Variants in METTL5 observed in about 807,000 individuals in gnomAD.
METTL5 encodes rRNA N(6)-adenosine-methyltransferase METTL5.
In METTL5, 28 loss-of-function variants were observed where a neutral mutation model predicts 26.5. That is an observed-to-expected ratio of 1.06 (90% CI 0.78 to 1.45). The LOEUF (loss-of-function observed/expected upper bound fraction) is 1.45, where lower values mean the gene tolerates loss of function less well. METTL5 is among the 40% of genes most tolerant of loss of function. The pLI, the probability that METTL5 is intolerant of heterozygous loss-of-function variation, is 0.00. For missense variants in METTL5, 231 were observed against 249.9 expected (o/e 0.92, Z 0.51); for synonymous variants, 86 against 82.6 (o/e 1.04, Z -0.22).
At position 169,824,860 on chromosome 2, in the gene METTL5, C is replaced by CCACGCACCTCTGGAGGCGA. The variant is rs1170332194; in HGVS notation, c.-282_-264dup. The CCACGCACCTCTGGAGGCGA allele has an allele frequency of 3.9e-5, 12 of 307,030 alleles. No homozygotes were observed. Among genetic ancestry groups the CCACGCACCTCTGGAGGCGA allele is most frequent in the Non-Finnish European group, 6.7e-5 (11 of 163,720 alleles). 19.0% of individuals were successfully genotyped at this position (307,030 alleles called of 1,614,324 possible). On this transcript the variant is annotated 5_prime_UTR_variant, in exon 1 of 7. Coordinates refer to ENST00000260953, the MANE Select transcript of METTL5 (RefSeq NM_014168.4). ...AGCCTCAGGATCCCTCGCGCCACGA[C>CCACGCACCTCTGGAGGCGA]CACGCACCTCTGGAGGCGACCCGCA...
intron 4 of METTL5, among the ~76,000 whole-genome samples, chr2:169,815,882 G>A (rs1159054160): frequency 1.3e-5 from 2 of 152,176 alleles, no homozygotes; most frequent in Admixed American, 6.5e-5. Context: ...TGACATCACA[G>A]CACAACACAT....
In METTL5 at chr2:169,824,275, T is replaced by A. The variant is rs903619723; in HGVS notation, c.109+214A>T. ...AAAGATGTCTGGCAGTGTTAAGGGATATGCAGAAAACTAGACAGTAAAATG... is the reference window on the plus strand; with the variant it reads ...AAAGATGTCTGGCAGTGTTAAGGGAAATGCAGAAAACTAGACAGTAAAATG... On this transcript the variant is annotated intron_variant, in intron 1 of 6. Coordinates refer to ENST00000260953, the MANE Select transcript of METTL5 (RefSeq NM_014168.4). 7.8e-6 allele frequency: 4 copies of A among 513,892 alleles called. No individual in the cohort carries two copies. In the Admixed American group the frequency reaches 1.3e-4, roughly 16 times the overall value. The allele number at this position is 513,892 out of a possible 1,614,324, so 31.8% of individuals were successfully genotyped here.
rs762037054 is a variant in METTL5, at chr2:169,821,141, T to A, written c.357A>T (p.Ser119=). The change falls in exon 3 of 7, where the codon TCA becomes TCT. Residue 119 remains serine, a synonymous_variant. Coordinates refer to ENST00000260953, the MANE Select transcript of METTL5 (RefSeq NM_014168.4). Reference sequence around the variant, plus strand: ...GAGGATTCATAATTACTGTATCGAATGACTTGGACATTCTGTTAGATAATA... The same window carrying A: ...GAGGATTCATAATTACTGTATCGAAAGACTTGGACATTCTGTTAGATAATA... ...VCLLSNRMSK[S]FDTVIMNPPF... is the part of the protein sequence containing the mutation. 5 of 1,609,800 alleles carry A rather than the reference T, an allele frequency of 3.1e-6. No individual in the cohort carries two copies. The East Asian group carries it at 1.1e-4, about 36-fold the overall frequency.
At chr2:169,817,406 T>C (rs1558977572) in intron 4 of METTL5, among the ~76,000 whole-genome samples, 1 of 152,178 alleles carries the variant, frequency 6.6e-6, no homozygotes, top group African/African-American at 2.4e-5. Context: ...AGAAATACCA[T>C]TTGACCCAGC....
chr2:169,821,846 C>A, intron 2 of METTL5, 97 bp downstream of exon 2: 1 of 1,107,738 alleles, frequency 9.0e-7, no homozygotes, highest in South Asian at 1.4e-5. Flanking sequence ...CCCTATATCT[C>A]ATTCTGTGGA....
intron 3 of METTL5, among the ~76,000 whole-genome samples, chr2:169,820,649 G>C (rs2105720816): frequency 6.6e-6 from 1 of 152,282 alleles, no homozygotes; most frequent in African/African-American, 2.4e-5. Flanking sequence ...ACATCACTTA[G>C]CCTTGGTTTA....
At chr2:169,821,043 T>G (rs1048766805) in intron 3 of METTL5, 49 bp downstream of exon 3, 1 of 1,477,220 alleles carries the variant, frequency 6.8e-7, no homozygotes, top group Non-Finnish European at 9.1e-7. Flanking sequence ...AAAATGGTTT[T>G]AAAATCTTTT....
intron 5 of METTL5, among the ~76,000 whole-genome samples, chr2:169,814,661 G>A (rs542181051): frequency 1.3e-5 from 2 of 148,824 alleles, no homozygotes; most frequent in Non-Finnish European, 3.0e-5. Context: ...TGCAAGCTCC[G>A]CCTCCCAGGT....
intron 4 of METTL5, among the ~76,000 whole-genome samples, chr2:169,817,873 C>T (rs1224254227): frequency 1.3e-5 from 2 of 151,996 alleles, no homozygotes; most frequent in Non-Finnish European, 2.9e-5. Flanking sequence ...ATGTAACCTG[C>T]ATGTTGTGCA....
chr2:169,821,712 C>T (rs144846577), intron 2 of METTL5, among the ~76,000 whole-genome samples: 307 of 152,210 alleles, frequency 2.0e-3, no homozygotes, highest in Non-Finnish European at 3.7e-3. Context: ...TTTCCAAACC[C>T]GGCAGGGGTT....
At chr2:169,821,417 T>C (rs1191275081) in intron 2 of METTL5, 144 bp from the exon 3 acceptor site, 1 of 653,622 alleles carries the variant, frequency 1.5e-6, no homozygotes. Context: ...TCTTTTTTTT[T>C]TTCTTTTTTC....
intron 1 of METTL5, among the ~76,000 whole-genome samples, chr2:169,822,641 C>T (rs1040585430): frequency 6.6e-5 from 10 of 151,648 alleles, no homozygotes; most frequent in Admixed American, 2.0e-4. Flanking sequence ...ATATTGCCCA[C>T]GCTGCTCTCG....
At chr2:169,815,560 A>G in intron 4 of METTL5, 32 bp from the exon 5 acceptor site, 1 of 1,494,298 alleles carries the variant, frequency 6.7e-7, no homozygotes, top group Non-Finnish European at 9.1e-7. Flanking sequence ...TTATGAGCTG[A>G]TTTTTAAATA....
chr2:169,824,728 A>C lies in METTL5; in HGVS notation c.-131T>G. On this transcript the variant is annotated 5_prime_UTR_variant, in exon 1 of 7. Transcript: ENST00000260953. The stretch of plus-strand genomic sequence containing the variant: ...TCAGCACCGCTGGCCGGACCCGAAG[A>C]CGCGCCCTAAGGAGACGCCCGGACG... 1 of 739,446 alleles carries C rather than the reference A, an allele frequency of 1.4e-6. No homozygotes were observed. Among genetic ancestry groups the C allele is most frequent in the Non-Finnish European group, 2.3e-6 (1 of 435,804 alleles). The allele number at this position is 739,446 out of a possible 1,614,324, so 45.8% of individuals were successfully genotyped here.
At position 169,821,136 on chromosome 2, in the gene METTL5, T is replaced by C. The variant is rs760916142; in HGVS notation, c.362A>G (p.Asp121Gly). The change falls in exon 3 of 7, where the codon GAT becomes GGT. Residue 121 changes from aspartate to glycine, a missense_variant. Physicochemically the swap from Asp to Gly is moderately conservative, Grantham distance 94. Transcript: ENST00000260953. ...AAAGGGAGGATTCATAATTACTGTATCGAATGACTTGGACATTCTGTTAGA... is the reference window on the plus strand; with the variant it reads ...AAAGGGAGGATTCATAATTACTGTACCGAATGACTTGGACATTCTGTTAGA... ...LLSNRMSKSF[D>G]TVIMNPPFGT... 22 of 1,609,656 alleles carry C rather than the reference T, an allele frequency of 1.4e-5. No individual in the cohort carries two copies. Among genetic ancestry groups the C allele is most frequent in the Non-Finnish European group, 1.8e-5 (21 of 1,178,626 alleles).
rs752338807 is a variant in METTL5 at position 169,824,499 on chromosome 2, C to A, written c.99G>T (p.Pro33=). ...AACCAGCCGCCCTACCTGCAATGTG[C>A]GGCCTGGTAGGATACTGTTCCAGAA... ...KLLLEQYPTR[P]HIAACMLYTI... is the part of the protein sequence containing the mutation. Residue 33 remains proline, a synonymous_variant, in exon 1 of 7, where the codon CCG becomes CCT. Coordinates refer to ENST00000260953, the MANE Select transcript of METTL5 (RefSeq NM_014168.4). The A allele has an allele frequency of 3.3e-4, 534 of 1,613,592 alleles. No homozygotes were observed. The highest frequency in any genetic ancestry group is 4.3e-4 in the Non-Finnish European group (507 of 1,179,616).
intron 4 of METTL5, 46 bp from the exon 5 acceptor site, chr2:169,815,574 A>T: frequency 7.1e-7 from 1 of 1,417,984 alleles, no homozygotes; most frequent in Non-Finnish European, 9.7e-7. Context: ...TTAAATAATG[A>T]TTTTTTAAAA....
Position 169,821,645 on chromosome 2 carries a change from CAA to C in METTL5, c.224+296_224+297del, listed in dbSNP as rs1487276672. 2.6e-5 allele frequency among the ~76,000 whole-genome samples: 4 copies of C among 152,260 alleles called. No individual in the cohort carries two copies. In the East Asian group the frequency reaches 7.7e-4, roughly 29 times the overall value. On this transcript the variant is annotated intron_variant, in intron 2 of 6. Transcript: ENST00000260953. Reference sequence around the variant, plus strand: ...AAGTAATCTGTCCACCTTGGCCTCCCAAAGTGTTGGGATTACAGGCATGAGCC... The same window carrying C: ...AAGTAATCTGTCCACCTTGGCCTCCCAGTGTTGGGATTACAGGCATGAGCC...
In METTL5 at chr2:169,821,184, A is replaced by C. The variant is rs747634702; in HGVS notation, c.314T>G (p.Val105Gly). ...EEFELTNIDM[V>G]QCDVCLLSNR... Reference sequence around the variant, plus strand: ...AGATAATAAGCACACATCACATTGAACCATGTCAATATTTGTTAACTCAAA... The same window carrying C: ...AGATAATAAGCACACATCACATTGACCCATGTCAATATTTGTTAACTCAAA... Residue 105 changes from valine to glycine, a missense_variant, in exon 3 of 7, where the codon GTT becomes GGT. Physicochemically the swap from Val to Gly is moderately radical, Grantham distance 109. Coordinates refer to ENST00000260953, the MANE Select transcript of METTL5 (RefSeq NM_014168.4). 2 of 1,612,106 alleles carry C rather than the reference A, an allele frequency of 1.2e-6. No individual in the cohort carries two copies. The highest frequency in any genetic ancestry group is 2.2e-5 in the South Asian group (2 of 90,844).
Sources: allele counts gnomAD v4.1 joint callset (sites outside exome capture counted in the v4.1 genomes callset), GRCh38; gene constraint gnomAD v4.1.1; transcripts MANE v1.5; gene names NCBI Gene and HGNC (gene_info 2026-07-23, HGNC 2026-07-21).